PRH1: variants seen among roughly 807,000 people sequenced by gnomAD.
PRH1 encodes the protein proline rich protein HaeIII subfamily 1, also known as salivary acidic proline-rich phosphoprotein 1/2.
Under a neutral mutation model 7.9 loss-of-function variants are expected in PRH1, and 7 were observed. The ratio of observed to expected loss-of-function variants is 0.89; its 90% CI spans 0.50 to 1.67. The LOEUF (loss-of-function observed/expected upper bound fraction) is 1.67. Among genes scored for constraint, PRH1 ranks in the 40% most tolerant of loss-of-function variants. The pLI, the probability that PRH1 is intolerant of heterozygous loss-of-function variation, is 0.00. For synonymous variants in PRH1, 45 were observed against 80.8 expected (o/e 0.56, Z 2.38); for missense variants, 109 against 223.6 (o/e 0.49, Z 3.27).
At chr12:11,031,803 C>T (rs2136103722) in intron 1 of PRH1, among the ~76,000 whole-genome samples, 1 of 152,282 alleles carries the variant, frequency 6.6e-6, no homozygotes. Flanking sequence ...AATCCCCTTG[C>T]TAGCTACAGA....
intron 1 of PRH1, among the ~76,000 whole-genome samples, chr12:11,158,200 T>C (rs187392614): frequency 5.3e-5 from 8 of 152,276 alleles, no homozygotes; most frequent in Admixed American, 2.6e-4. Context: ...CTTCATTTCA[T>C]ATTTTAGTAA....
chr12:11,129,050 C>G (rs2597930), intron 1 of PRH1, among the ~76,000 whole-genome samples: 69,241 of 143,528 alleles, frequency 0.48, 16,550 homozygotes, highest in Non-Finnish European at 0.55. Context: ...AGCTTCTCAA[C>G]TATTTGGAAC....
chr12:11,138,741 T>C (rs1159214580), intron 1 of PRH1, among the ~76,000 whole-genome samples: 1 of 152,182 alleles, frequency 6.6e-6, no homozygotes, highest in Non-Finnish European at 1.5e-5. Flanking sequence ...TTTTAATTAA[T>C]TTAAGAAAAC....
chr12:11,171,330 C>A (rs1284950902), intron 1 of PRH1: 24 of 1,226,250 alleles, frequency 2.0e-5, no homozygotes, highest in Non-Finnish European at 2.3e-5. Context: ...TCGCTACAGA[C>A]GCTGGGCGGG....
At position 11,171,303 on chromosome 12, in the gene PRH1, G is replaced by A. The variant is rs973254765; in HGVS notation, n.39+119C>T. On this transcript the variant is annotated intron_variant and non_coding_transcript_variant, in intron 1 of 1. Coordinates refer to the PRH1 transcript ENST00000541175. Reference sequence around the variant, plus strand: ...TCCCAGCCGTCGCTAGGAGGTCCGCGGGCCCTGCGGCAACCCTCGCTACAG... The same window carrying A: ...TCCCAGCCGTCGCTAGGAGGTCCGCAGGCCCTGCGGCAACCCTCGCTACAG... The A allele has an allele frequency of 3.5e-6, 4 of 1,147,846 alleles. No homozygotes were observed. The Admixed American group carries it at 1.3e-4, about 36-fold the overall frequency. The allele number at this position is 1,147,846 out of a possible 1,614,324, so 71.1% of individuals were successfully genotyped here. A position where few individuals can be genotyped will look rare whatever the true frequency, so the allele number is the denominator to read the frequency against.
At chr12:11,086,821 G>C (rs1944721014) in intron 1 of PRH1, among the ~76,000 whole-genome samples, 1 of 114,342 alleles carries the variant, frequency 8.7e-6, no homozygotes, top group Non-Finnish European at 2.1e-5. Context: ...GGCTGTGGCA[G>C]AAAAATCATT....
Position 11,062,085 on chromosome 12 carries a change from C to T in PRH1, n.124-14897G>A, listed in dbSNP as rs767075494. The stretch of plus-strand genomic sequence containing the variant: ...CTATACTGTTAAAAGCTGGATTCAA[C>T]TCAGTTGCATACCAATTTAATACTA... On this transcript the variant is annotated intron_variant and non_coding_transcript_variant, in intron 1 of 4. Coordinates refer to the PRH1 transcript ENST00000541977. 1.9e-6 allele frequency: 3 copies of T among 1,613,574 alleles called. No homozygotes were observed. In the Admixed American group the frequency reaches 5.0e-5, roughly 27 times the overall value.
intron 2 of PRH1, among the ~76,000 whole-genome samples, chr12:10,927,381 A>T (rs2135858958): frequency 6.6e-6 from 1 of 152,276 alleles, no homozygotes; most frequent in South Asian, 2.1e-4. Context: ...AACCAAAGAA[A>T]ATAATCCCAG....
chr12:11,153,340 T>C (rs1190225705), intron 1 of PRH1, among the ~76,000 whole-genome samples: 1 of 152,192 alleles, frequency 6.6e-6, no homozygotes, highest in Non-Finnish European at 1.5e-5. Flanking sequence ...TACTAAAATT[T>C]CTGAAAAGCA....
intron 1 of PRH1, among the ~76,000 whole-genome samples, chr12:11,069,495 G>T (rs184868524): frequency 1.1e-3 from 151 of 142,138 alleles, no homozygotes; most frequent in Middle Eastern, 6.9e-3. Flanking sequence ...GAGAAGTGGA[G>T]TGGTGCCCAG....
At chr12:11,059,559 A>G (rs1274747563) in intron 1 of PRH1, among the ~76,000 whole-genome samples, 5 of 147,474 alleles carry the variant, frequency 3.4e-5, no homozygotes, top group Admixed American at 6.8e-5. Context: ...AAAAAAATAC[A>G]TATTCAAATA....
intron 1 of PRH1, among the ~76,000 whole-genome samples, chr12:11,128,276 G>A (rs1163379749): frequency 1.3e-5 from 2 of 152,110 alleles, no homozygotes; most frequent in Non-Finnish European, 2.9e-5. Context: ...GATTTATGAT[G>A]AATAGATGTT....
intron 1 of PRH1, among the ~76,000 whole-genome samples, chr12:11,110,807 T>C (rs1011062448): frequency 6.6e-6 from 1 of 152,076 alleles, no homozygotes; most frequent in Non-Finnish European, 1.5e-5. Flanking sequence ...CATAACAATA[T>C]TAACCTTAAA....
At chr12:10,931,218 T>C in intron 2 of PRH1, 1 of 1,502,646 alleles carries the variant, frequency 6.7e-7, no homozygotes, top group Non-Finnish European at 8.9e-7. Flanking sequence ...GTTCAAATAT[T>C]CTGGGATAAG....
intron 1 of PRH1, among the ~76,000 whole-genome samples, chr12:11,164,090 A>C (rs1243927090): frequency 6.6e-6 from 1 of 152,172 alleles, no homozygotes; most frequent in Non-Finnish European, 1.5e-5. Flanking sequence ...AATTTTACAT[A>C]TCAACTTGAC....
chr12:10,934,173 TAA>T (rs1346118919), intron 2 of PRH1, among the ~76,000 whole-genome samples: 1 of 152,168 alleles, frequency 6.6e-6, no homozygotes, highest in Non-Finnish European at 1.5e-5. Context: ...TATTTTACTC[TAA>T]GTTATTTCCA....
At chr12:10,969,789 A>G (rs1367584462) in intron 2 of PRH1, among the ~76,000 whole-genome samples, 1 of 152,116 alleles carries the variant, frequency 6.6e-6, no homozygotes, top group Non-Finnish European at 1.5e-5. Context: ...CTGTGATGAA[A>G]TATGGAGTAT....
Position 10,980,674 on chromosome 12 carries a change from G to A in PRH1, c.-125-6953C>T, listed in dbSNP as rs538112016. Among the ~76,000 whole-genome samples, 11 of 152,192 alleles carry A rather than the reference G, an allele frequency of 7.2e-5. No homozygotes were observed. In the South Asian group the frequency reaches 1.9e-3, roughly 26 times the overall value. ...CTCCATGAGATCACCAACAAAACAAGCCCGATTGATTAAAGGTTGAAGAAC... is the reference window on the plus strand; with the variant it reads ...CTCCATGAGATCACCAACAAAACAAACCCGATTGATTAAAGGTTGAAGAAC... On this transcript the variant is annotated intron_variant, in intron 1 of 3. Coordinates refer to the PRH1 transcript ENST00000539853.
chr12:11,009,862 C>G (rs769285851), intron 1 of PRH1, among the ~76,000 whole-genome samples: 11 of 151,974 alleles, frequency 7.2e-5, no homozygotes, highest in South Asian at 2.1e-4. Context: ...ATTTTATGAA[C>G]TAATTTTTAC....
Sources: gnomAD v4.1 joint callset for allele counts (sites outside exome capture counted in the v4.1 genomes callset) on GRCh38, gnomAD v4.1.1 for gene constraint, MANE v1.5 for transcripts, NCBI Gene and HGNC (gene_info 2026-07-23, HGNC 2026-07-21) for gene names.